SH3BGR: variants seen among roughly 807,000 people sequenced by gnomAD.
SH3BGR encodes the protein SH3 domain-binding glutamic acid-rich protein.
In SH3BGR, 29 loss-of-function variants were observed where a neutral mutation model predicts 24.5. The observed-to-expected ratio is 1.18, with a 90% CI of 0.88 to 1.61. SH3BGR has a LOEUF of 1.61. Among genes scored for constraint, SH3BGR ranks in the 40% most tolerant of loss-of-function variants. SH3BGR has a pLI of 0.00. For missense variants in SH3BGR, 162 were observed against 205.8 expected (o/e 0.79, Z 1.30); for synonymous variants, 55 against 65.7 (o/e 0.84, Z 0.79).
chr21:39,496,417 G>T (rs916743830), intron 3 of SH3BGR, among the ~76,000 whole-genome samples: 1 of 151,212 alleles, frequency 6.6e-6, no homozygotes, highest in East Asian at 1.9e-4. Context: ...GGAGAATGGC[G>T]TGAACCCAGG....
At chr21:39,464,596 T>A (rs1937595775) in intron 2 of SH3BGR, among the ~76,000 whole-genome samples, 1 of 152,230 alleles carries the variant, frequency 6.6e-6, no homozygotes, top group African/African-American at 2.4e-5. Flanking sequence ...AGCAGAGGGC[T>A]ATACAAACTT....
At chr21:39,452,423 A>T (rs536584159) in intron 1 of SH3BGR, among the ~76,000 whole-genome samples, 1 of 152,342 alleles carries the variant, frequency 6.6e-6, no homozygotes, top group African/African-American at 2.4e-5. Context: ...CCTTGTGAAT[A>T]TCATAGAAGC....
chr21:39,458,038 T>C (rs1046451102), intron 1 of SH3BGR, among the ~76,000 whole-genome samples: 2 of 152,208 alleles, frequency 1.3e-5, no homozygotes, highest in East Asian at 1.9e-4. Context: ...AAAATAGATA[T>C]TTTGGTTTAC....
chr21:39,478,608 A>T (rs1438689306), intron 3 of SH3BGR, among the ~76,000 whole-genome samples: 1 of 152,164 alleles, frequency 6.6e-6, no homozygotes, highest in African/African-American at 2.4e-5. Flanking sequence ...ATGCGGATTC[A>T]TTTCCAGTTC....
chr21:39,452,069 G>A lies in SH3BGR; in HGVS notation c.-28G>A. ...GCGCATTCCCTGACAGGGGTGTGTTGGGGGGAGTCCTCTTTCCAACTGTCG... is the reference window on the plus strand; with the variant it reads ...GCGCATTCCCTGACAGGGGTGTGTTAGGGGGAGTCCTCTTTCCAACTGTCG... On this transcript the variant is annotated 5_prime_UTR_variant, in exon 1 of 7. Transcript: ENST00000333634. 2.5e-6 allele frequency: 4 copies of A among 1,612,068 alleles called. No individual in the cohort carries two copies. The highest frequency in any genetic ancestry group is 3.4e-6 in the Non-Finnish European group (4 of 1,178,452).
In SH3BGR at chr21:39,475,144, T is replaced by C. The variant is rs1349334180; in HGVS notation, c.241T>C (p.Ser81Pro). 6.2e-7 allele frequency: 1 copy of C among 1,606,150 alleles called. No homozygotes were observed. Among genetic ancestry groups the C allele is most frequent in the Non-Finnish European group, 8.5e-7 (1 of 1,173,394 alleles). The part of the protein sequence containing the change: ...NEEQYCGDFD[S>P]FFSAKEENII... Reference sequence around the variant, plus strand: ...TTTTCTTTGCTTCAAGGATTTTGACTCTTTCTTCTCTGCAAAAGAAGAGAA... The same window carrying C: ...TTTTCTTTGCTTCAAGGATTTTGACCCTTTCTTCTCTGCAAAAGAAGAGAA... The change falls in exon 3 of 7, where the codon TCT becomes CCT. Residue 81 changes from serine (S) to proline (P), a missense_variant. Coordinates refer to ENST00000333634, the MANE Select transcript of SH3BGR (RefSeq NM_007341.3).
intron 6 of SH3BGR, among the ~76,000 whole-genome samples, chr21:39,512,363 C>T (rs955953948): frequency 2.0e-5 from 3 of 152,140 alleles, no homozygotes; most frequent in African/African-American, 7.2e-5. Context: ...TTAACCAGAA[C>T]GCTCCTCTGG....
At chr21:39,485,174 A>T (rs1462480123) in intron 3 of SH3BGR, among the ~76,000 whole-genome samples, 1 of 152,242 alleles carries the variant, frequency 6.6e-6, no homozygotes, top group Non-Finnish European at 1.5e-5. Flanking sequence ...AATGAACATC[A>T]TTCTTAATAG....
intron 3 of SH3BGR, among the ~76,000 whole-genome samples, chr21:39,484,157 T>TGTGGAGTGTGGAGTGTG (rs1472961013): frequency 6.6e-6 from 1 of 152,134 alleles, no homozygotes; most frequent in African/African-American, 2.4e-5. Flanking sequence ...TGGGAAAAGG[T>TGTGGAGTGTGGAGTGTG]CAGTGTGGAG....
rs767230662 is a variant in SH3BGR at position 39,462,446 on chromosome 21, T to C, written c.117T>C (p.Ile39=). 2 of 1,609,714 alleles carry C rather than the reference T, an allele frequency of 1.2e-6. No individual in the cohort carries two copies. Among genetic ancestry groups the C allele is most frequent in the African/African-American group, 2.7e-5 (2 of 74,746 alleles). ...AAATCGACTTTAAGGAATTAGATAT[T>C]GCTGGAGATGAAGACAACAGGAGGT... ...ANKIDFKELD[I]AGDEDNRRWM... Residue 39 remains isoleucine (I), a synonymous_variant, in exon 2 of 7, where the codon ATT becomes ATC. Coordinates refer to ENST00000333634, the MANE Select transcript of SH3BGR (RefSeq NM_007341.3).
chr21:39,480,172 TA>T (rs908061451), intron 3 of SH3BGR, among the ~76,000 whole-genome samples: 4 of 152,204 alleles, frequency 2.6e-5, no homozygotes, highest in East Asian at 1.9e-4. Flanking sequence ...TTGCTCTTTT[TA>T]AAAAAATAGT....
intron 2 of SH3BGR, among the ~76,000 whole-genome samples, chr21:39,468,949 G>T (rs1462322076): frequency 6.6e-6 from 1 of 150,884 alleles, no homozygotes; most frequent in Non-Finnish European, 1.5e-5. Context: ...GACTGTTTAG[G>T]CTTTCTACTT....
In SH3BGR at chr21:39,499,988, C is replaced by T. The variant is rs543124280; in HGVS notation, c.405+73C>T. 193 of 1,093,896 alleles carry T rather than the reference C, an allele frequency of 1.8e-4. 1 individual carries two copies. Among genetic ancestry groups the T allele is most frequent in the South Asian group, 1.3e-3 (98 of 77,780 alleles). 67.8% of individuals were successfully genotyped at this position (1,093,896 alleles called of 1,614,324 possible). ...CGAGACTTTTACAGGGCTTGTACAA[C>T]TTGACTCTGGGCACAAGCAGTCAGA... On this transcript the variant is annotated intron_variant, in intron 4 of 6. Coordinates refer to ENST00000333634, the MANE Select transcript of SH3BGR (RefSeq NM_007341.3).
At chr21:39,472,662 A>G (rs1475469920) in intron 2 of SH3BGR, among the ~76,000 whole-genome samples, 1 of 152,242 alleles carries the variant, frequency 6.6e-6, no homozygotes, top group Non-Finnish European at 1.5e-5. Flanking sequence ...ATAAATTCTC[A>G]GAGGAGAATA....
chr21:39,466,101 G>A (rs942123534), intron 2 of SH3BGR, among the ~76,000 whole-genome samples: 1 of 152,210 alleles, frequency 6.6e-6, no homozygotes, highest in Non-Finnish European at 1.5e-5. Flanking sequence ...CTGAGTTAAA[G>A]TACATACGCG....
At chr21:39,478,609 T>C (rs538322183) in intron 3 of SH3BGR, among the ~76,000 whole-genome samples, 8 of 152,320 alleles carry the variant, frequency 5.3e-5, no homozygotes, top group Non-Finnish European at 1.0e-4. Flanking sequence ...TGCGGATTCA[T>C]TTCCAGTTCA....
intron 3 of SH3BGR, among the ~76,000 whole-genome samples, chr21:39,496,884 T>C (rs2078406291): frequency 6.6e-6 from 1 of 152,136 alleles, no homozygotes; most frequent in African/African-American, 2.4e-5. Flanking sequence ...CAATAAGGAA[T>C]GAAAATTTTC....
chr21:39,475,049 C>T (rs1311890285), intron 2 of SH3BGR, 86 bp from the exon 3 acceptor site: 2 of 822,792 alleles, frequency 2.4e-6, no homozygotes, highest in East Asian at 5.2e-5. Context: ...AACTTAAGGA[C>T]TAAGAAATAC....
rs754975178 is a variant in SH3BGR at position 39,508,980 on chromosome 21, T to G, written c.406-18T>G. Reference sequence around the variant, plus strand: ...TTGAATTATGTTTTTTTCTTTAATTTTGATTTATGGATGTAAGGAAGAAGA... The same window carrying G: ...TTGAATTATGTTTTTTTCTTTAATTGTGATTTATGGATGTAAGGAAGAAGA... On this transcript the variant is annotated intron_variant, in intron 4 of 6. Transcript: ENST00000333634. 2 of 1,596,504 alleles carry G rather than the reference T, an allele frequency of 1.3e-6. No homozygotes were observed. The highest frequency in any genetic ancestry group is 4.5e-5 in the East Asian group (2 of 44,688).
Sources: gnomAD v4.1 joint callset for allele counts (sites outside exome capture counted in the v4.1 genomes callset) on GRCh38, gnomAD v4.1.1 for gene constraint, MANE v1.5 for transcripts, NCBI Gene and HGNC (gene_info 2026-07-23, HGNC 2026-07-21) for gene names.